MAPK13: variants seen among roughly 807,000 people sequenced by gnomAD.
MAPK13 encodes the protein MAP kinase 13.
In MAPK13, 39 loss-of-function variants were observed where a neutral mutation model predicts 53.5. The observed-to-expected ratio is 0.73, with a 90% CI of 0.56 to 0.95. MAPK13 has a LOEUF of 0.95. MAPK13 is among the 40% of genes least tolerant of loss of function. The pLI is 0.00. For synonymous variants in MAPK13, 179 were observed against 190.9 expected, an observed-to-expected ratio of 0.94 and a Z score of 0.51; for missense variants, 460 against 471.8, an observed-to-expected ratio of 0.98 and a Z score of 0.23.
chr6:36,137,952 C>G lies in MAPK13; in HGVS notation c.683-413C>G, dbSNP rs1312438129. 6.1e-5 allele frequency among the ~76,000 whole-genome samples: 5 copies of G among 82,542 alleles called. No homozygotes were observed. The East Asian group carries it at 1.9e-3, about 31-fold the overall frequency. The allele number at this position is 82,542 out of a possible 152,430, so 54.2% of individuals were successfully genotyped here. ...CCAGCCTGAGTGACAGAGTGAGACC[C>G]TGTCTCAAAAAAAAAAAAAAAAAAA... On this transcript the variant is annotated intron_variant, in intron 8 of 11. Coordinates refer to ENST00000211287, the MANE Select transcript of MAPK13 (RefSeq NM_002754.5).
intron 1 of MAPK13, 60 bp from the exon 2 acceptor site, chr6:36,131,211 G>A: frequency 2.5e-6 from 4 of 1,569,650 alleles, no homozygotes; most frequent in Non-Finnish European, 3.5e-6. Context: ...GGGTCAGGGC[G>A]GTCTGGGAGA....
chr6:36,139,097 C>T, intron 11 of MAPK13, 42 bp downstream of exon 11: 4 of 1,537,512 alleles, frequency 2.6e-6, no homozygotes, highest in Non-Finnish European at 3.5e-6. Flanking sequence ...CCGCCTGCAG[C>T]CTCTCTTCCT....
intron 3 of MAPK13, among the ~76,000 whole-genome samples, chr6:36,134,441 G>A (rs1026315120): frequency 6.6e-6 from 1 of 152,190 alleles, no homozygotes; most frequent in Non-Finnish European, 1.5e-5. Context: ...TGCCCAGACT[G>A]GAGTGCAGTG....
At position 36,142,704 on chromosome 6, in the gene MAPK13, G is replaced by GA. The variant is rs1766553659; in HGVS notation, c.*3335dup. 6.6e-6 allele frequency: 1 copy of GA among 152,344 alleles called. No homozygotes were observed. Among genetic ancestry groups the GA allele is most frequent in the South Asian group, 2.1e-4 (1 of 4,824 alleles). The allele number at this position is 152,344 out of a possible 1,614,324, so 9.4% of individuals were successfully genotyped here. On this transcript the variant is annotated 3_prime_UTR_variant, in exon 12 of 12. Transcript: ENST00000211287. This position sits in a 1 kb window ranked among gnomAD's most constrained non-coding sequence, Gnocchi z 4.4. ...GGCTGTACCTTTGAGCTGCTCTCCT[G>GA]AAAATCTCTATTATTTCAGACTCCC...
intron 4 of MAPK13, 28 bp from the exon 5 acceptor site, chr6:36,135,991 G>A (rs373706059): frequency 1.1e-5 from 17 of 1,613,924 alleles, no homozygotes; most frequent in Non-Finnish European, 1.4e-5. Flanking sequence ...CTGGGCCATG[G>A]ACTCACCCTT....
In MAPK13 at chr6:36,143,562, A is replaced by C. The variant is rs998982264; in HGVS notation, c.*4189A>C. 3.3e-5 allele frequency: 5 copies of C among 151,982 alleles called. No individual in the cohort carries two copies. Among genetic ancestry groups the C allele is most frequent in the Admixed American group, 3.3e-4 (5 of 15,264 alleles). The allele number at this position is 151,982 out of a possible 1,614,324, so 9.4% of individuals were successfully genotyped here. ...TATAGCTACAGCTGAGGAGGGAGGA[A>C]TCTCTCCCTGCCTCTCCTCCCAACT... On this transcript the variant is annotated 3_prime_UTR_variant, in exon 12 of 12. Transcript: ENST00000211287.
At position 36,138,612 on chromosome 6, in the gene MAPK13, T is replaced by C. The variant is rs1766466926; in HGVS notation, c.763-90T>C. 2.2e-6 allele frequency: 3 copies of C among 1,393,454 alleles called. No individual in the cohort carries two copies. The South Asian group carries it at 3.5e-5, about 16-fold the overall frequency. The allele number at this position is 1,393,454 out of a possible 1,614,324, so 86.3% of individuals were successfully genotyped here. Reference sequence around the variant, plus strand: ...TCTCACCGTGGACCCTGACCTGAACTTTCAGCCCTGCTCTGAGGCTTTTCT... The same window carrying C: ...TCTCACCGTGGACCCTGACCTGAACCTTCAGCCCTGCTCTGAGGCTTTTCT... On this transcript the variant is annotated intron_variant, in intron 9 of 11. Transcript: ENST00000211287.
rs559894606 is a variant in MAPK13 at position 36,144,406 on chromosome 6, G to C, written c.*5033G>C. The C allele has an allele frequency of 6.6e-6, 1 of 151,952 alleles. No individual in the cohort carries two copies. Among genetic ancestry groups the C allele is most frequent in the African/African-American group, 2.4e-5 (1 of 41,324 alleles). The allele number at this position is 151,952 out of a possible 1,614,324, so 9.4% of individuals were successfully genotyped here. ...TAGATACCTGTGGCAAACTGTAAAG[G>C]GATATGAAAAACTCTGTAATTTCTA... On this transcript the variant is annotated 3_prime_UTR_variant, in exon 12 of 12. Coordinates refer to ENST00000211287, the MANE Select transcript of MAPK13 (RefSeq NM_002754.5).
rs1041724276 is a variant in MAPK13, at chr6:36,140,335, C to T, written c.*962C>T. 3 of 152,740 alleles carry T rather than the reference C, an allele frequency of 2.0e-5. No individual in the cohort carries two copies. The highest frequency in any genetic ancestry group is 2.9e-5 in the Non-Finnish European group (2 of 68,068). The allele number at this position is 152,740 out of a possible 1,614,324, so 9.5% of individuals were successfully genotyped here. On this transcript the variant is annotated 3_prime_UTR_variant, in exon 12 of 12. Coordinates refer to ENST00000211287, the MANE Select transcript of MAPK13 (RefSeq NM_002754.5). The stretch of plus-strand genomic sequence containing the variant: ...GCTCTTGCCTGGCTTGATGGCAAAC[C>T]GTTCTGCTCCCTTTGGGAGATGGCA...
Position 36,140,546 on chromosome 6 carries a change from G to C in MAPK13, c.*1173G>C, listed in dbSNP as rs535140216. On this transcript the variant is annotated 3_prime_UTR_variant, in exon 12 of 12. Coordinates refer to ENST00000211287, the MANE Select transcript of MAPK13 (RefSeq NM_002754.5). ...CCACCCCAGGGCTTGTGACTCAGCA[G>C]GTCTGCAGTTGAGACCTTAGAATGT... 41 of 152,804 alleles carry C rather than the reference G, an allele frequency of 2.7e-4. No individual in the cohort carries two copies. Among genetic ancestry groups the C allele is most frequent in the African/African-American group, 9.1e-4 (38 of 41,564 alleles). The allele number at this position is 152,804 out of a possible 1,614,324, so 9.5% of individuals were successfully genotyped here. A position where few individuals can be genotyped will look rare whatever the true frequency, so the allele number is the denominator to read the frequency against.
At chr6:36,138,507 G>A in intron 9 of MAPK13, 63 bp downstream of exon 9, 3 of 1,518,720 alleles carry the variant, frequency 2.0e-6, no homozygotes, top group South Asian at 2.3e-5. Flanking sequence ...GGGCCCAGTG[G>A]GCTGCAGGCC....
Position 36,138,358 on chromosome 6 carries a change from C to T in MAPK13, c.683-7C>T. 1 of 1,613,456 alleles carries T rather than the reference C, an allele frequency of 6.2e-7. No homozygotes were observed. The highest frequency in any genetic ancestry group is 8.5e-7 in the Non-Finnish European group (1 of 1,179,440). ...AGAGCAAGGCTAAGCCTTAACCTGCCACCAAGACCTGGACCAGCTGACCCA... is the reference window on the plus strand; with the variant it reads ...AGAGCAAGGCTAAGCCTTAACCTGCTACCAAGACCTGGACCAGCTGACCCA... On this transcript the variant is annotated splice_region_variant and splice_polypyrimidine_tract_variant and intron_variant, in intron 8 of 11. Transcript: ENST00000211287.
At chr6:36,132,587 T>C in intron 2 of MAPK13, 34 bp from the exon 3 acceptor site, 1 of 1,607,006 alleles carries the variant, frequency 6.2e-7, no homozygotes, top group South Asian at 1.1e-5. Context: ...GAAGGTAGCG[T>C]CTGTCTAGCC....
intron 3 of MAPK13, among the ~76,000 whole-genome samples, chr6:36,133,009 G>T (rs1766349887): frequency 6.6e-6 from 1 of 152,248 alleles, no homozygotes; most frequent in Non-Finnish European, 1.5e-5. Flanking sequence ...CTTTCCTGGG[G>T]ACACAGATGT....
At chr6:36,133,246 G>C (rs1411853566) in intron 3 of MAPK13, among the ~76,000 whole-genome samples, 1 of 152,216 alleles carries the variant, frequency 6.6e-6, no homozygotes, top group Non-Finnish European at 1.5e-5. Context: ...AGCTGAATCT[G>C]GACTGACCCT....
chr6:36,139,151 C>T, intron 11 of MAPK13, 96 bp downstream of exon 11: 1 of 1,420,462 alleles, frequency 7.0e-7, no homozygotes, highest in South Asian at 1.3e-5. Context: ...GCCCTACCTG[C>T]CACCTCCTTC....
Position 36,130,748 on chromosome 6 carries a change from T to G in MAPK13, c.119+47T>G. 2.2e-6 allele frequency: 2 copies of G among 910,124 alleles called. No homozygotes were observed. Among genetic ancestry groups the G allele is most frequent in the Non-Finnish European group, 3.1e-6 (2 of 640,230 alleles). The allele number at this position is 910,124 out of a possible 1,614,324, so 56.4% of individuals were successfully genotyped here. ...GGGGCGGGGGGCGGGCGCCAGGCTC[T>G]CCCCTTTCCGCCCAGCCCGCCCTGG... On this transcript the variant is annotated intron_variant, in intron 1 of 11. Transcript: ENST00000211287. The surrounding 1 kb of genome is among the most constrained non-coding windows in gnomAD (Gnocchi z 4.5).
At chr6:36,136,145 G>C in intron 5 of MAPK13, 97 bp downstream of exon 5, 1 of 1,390,994 alleles carries the variant, frequency 7.2e-7, no homozygotes, top group Non-Finnish European at 1.0e-6. Flanking sequence ...TGGAGGGAGG[G>C]GACACTGCCC....
intron 3 of MAPK13, among the ~76,000 whole-genome samples, chr6:36,134,387 T>A (rs1176657023): frequency 2.0e-5 from 3 of 152,184 alleles, no homozygotes; most frequent in African/African-American, 4.8e-5. Context: ...ACATTCATTT[T>A]AAAAAAGTTT....
Sources: gnomAD v4.1 joint callset for allele counts (sites outside exome capture counted in the v4.1 genomes callset) on GRCh38, gnomAD v4.1.1 for gene constraint, Gnocchi (gnomAD v3.1) non-coding constraint, MANE v1.5 for transcripts, NCBI Gene and HGNC (gene_info 2026-07-23, HGNC 2026-07-21) for gene names.